The following PDE1C variants were observed in gnomAD, a reference collection of about 807,000 sequenced individuals.
PDE1C encodes the protein phosphodiesterase 1C.
In PDE1C, 62 loss-of-function variants were observed where a neutral mutation model predicts 93.1. The ratio of observed to expected loss-of-function variants is 0.67; its 90% CI spans 0.54 to 0.82. PDE1C has a LOEUF of 0.82. PDE1C is among the 40% of genes least tolerant of loss of function. The pLI, the probability that PDE1C is intolerant of heterozygous loss-of-function variation, is 0.00. For synonymous variants in PDE1C, 325 were observed against 310.1 expected, an observed-to-expected ratio of 1.05 and a Z score of -0.50; for missense variants, 742 against 884.6, an observed-to-expected ratio of 0.84 and a Z score of 2.04.
intron 1 of PDE1C, among the ~76,000 whole-genome samples, chr7:32,377,875 C>T (rs988573232): frequency 2.0e-5 from 3 of 152,162 alleles, no homozygotes; most frequent in Non-Finnish European, 2.9e-5. Flanking sequence ...CTGGAGACAG[C>T]ATCTGAGTTT....
chr7:31,801,462 A>C (rs1046611505), intron 16 of PDE1C, among the ~76,000 whole-genome samples: 4 of 151,476 alleles, frequency 2.6e-5, no homozygotes, highest in East Asian at 3.9e-4. Flanking sequence ...TATGCACTTG[A>C]AAAAGATGTG....
intron 2 of PDE1C, among the ~76,000 whole-genome samples, chr7:31,905,132 T>G (rs1331210297): frequency 6.6e-6 from 1 of 152,146 alleles, no homozygotes; most frequent in Non-Finnish European, 1.5e-5. Flanking sequence ...ACTTAAAGAT[T>G]ATCATTGTGC....
At chr7:31,714,854 C>A in the PDE1C span, among the ~76,000 whole-genome samples, 1 of 152,174 alleles carries the variant, frequency 6.6e-6, no homozygotes, top group Non-Finnish European at 1.5e-5. Context: ...CGTTGGAATT[C>A]AAGATGAGAT....
the PDE1C span, among the ~76,000 whole-genome samples, chr7:31,694,132 G>T: frequency 6.6e-6 from 1 of 152,106 alleles, no homozygotes; most frequent in Non-Finnish European, 1.5e-5. Context: ...GACATATGCA[G>T]AAATAATAAC....
intron 7 of PDE1C, among the ~76,000 whole-genome samples, chr7:31,854,217 A>G (rs942960747): frequency 6.6e-6 from 1 of 152,152 alleles, no homozygotes; most frequent in Non-Finnish European, 1.5e-5. Context: ...TAAACCCCTC[A>G]GGTGATATTA....
intron 9 of PDE1C, among the ~76,000 whole-genome samples, chr7:31,842,843 T>C (rs376577380): frequency 6.6e-6 from 1 of 152,006 alleles, no homozygotes; most frequent in East Asian, 1.9e-4. Flanking sequence ...TGTTTGGAAC[T>C]TTTTTCTTTC....
chr7:32,008,562 T>C (rs1015333355), intron 2 of PDE1C, among the ~76,000 whole-genome samples: 5 of 152,102 alleles, frequency 3.3e-5, no homozygotes, highest in African/African-American at 1.2e-4. Context: ...TGAAGACACA[T>C]GAAAATCTGG....
At chr7:31,856,403 G>A (rs1794022743) in intron 7 of PDE1C, among the ~76,000 whole-genome samples, 1 of 152,194 alleles carries the variant, frequency 6.6e-6, no homozygotes, top group Middle Eastern at 3.2e-3. Context: ...CGGCAAATGA[G>A]AAATGAGCTC....
chr7:32,018,010 G>A (rs1788142583), intron 2 of PDE1C, among the ~76,000 whole-genome samples: 1 of 151,964 alleles, frequency 6.6e-6, no homozygotes. Flanking sequence ...AGCCCGGGAA[G>A]TGGAGGTTGC....
At chr7:31,694,243 A>T in the PDE1C span, among the ~76,000 whole-genome samples, 2 of 152,174 alleles carry the variant, frequency 1.3e-5, no homozygotes, top group African/African-American at 4.8e-5. Context: ...TACATTTATG[A>T]AGATGGGAAG....
chr7:31,695,593 G>A, the PDE1C span: 94 of 1,613,504 alleles, frequency 5.8e-5, no homozygotes, highest in African/African-American at 4.3e-4. Flanking sequence ...AAGATACACC[G>A]GCGCTGCACA....
chr7:31,649,151 A>G, the PDE1C span, among the ~76,000 whole-genome samples: 1 of 152,378 alleles, frequency 6.6e-6, no homozygotes, highest in South Asian at 2.1e-4. Flanking sequence ...GCGAGAGGAT[A>G]GAATCAAAAC....
chr7:32,200,207 G>GT (rs1053673628), intron 2 of PDE1C, among the ~76,000 whole-genome samples: 1 of 152,050 alleles, frequency 6.6e-6, no homozygotes, highest in Admixed American at 6.6e-5. Context: ...CCTCTTATAG[G>GT]TTTTTTGTTT....
At chr7:31,805,126 C>A (rs921504343) in intron 16 of PDE1C, among the ~76,000 whole-genome samples, 4 of 151,714 alleles carry the variant, frequency 2.6e-5, no homozygotes, top group Non-Finnish European at 5.9e-5. Flanking sequence ...TGCCTTTGCT[C>A]CTCCTTTGCC....
At chr7:31,709,893 G>T in the PDE1C span, among the ~76,000 whole-genome samples, 1 of 152,220 alleles carries the variant, frequency 6.6e-6, no homozygotes, top group Non-Finnish European at 1.5e-5. Context: ...GCTCATGCCT[G>T]TAATTCCAAC....
rs1222127494 is a variant in PDE1C at position 31,809,064 on chromosome 7, A to G, written c.1858T>C (p.Ser620Pro). Reference sequence around the variant, plus strand: ...TTCTTTGAATCATTTCCGATGTTAGAGTGATCCTTCTTGTCTGTCTTATTT... The same window carrying G: ...TTCTTTGAATCATTTCCGATGTTAGGGTGATCCTTCTTGTCTGTCTTATTT... Reference protein sequence around the residue: ...GKNKTDKKDHSNIGNDSKKTD... With the variant: ...GKNKTDKKDHPNIGNDSKKTD... The change falls in exon 16 of 18, where the codon TCT becomes CCT. Residue 620 changes from serine (S) to proline (P), a missense_variant. Physicochemically the swap from Ser to Pro is moderately conservative, Grantham distance 74 (BLOSUM62 -1). Transcript: ENST00000396191. The G allele has an allele frequency of 9.4e-6, 15 of 1,594,416 alleles. No individual in the cohort carries two copies. The highest frequency in any genetic ancestry group is 1.3e-5 in the Non-Finnish European group (15 of 1,163,322).
intron 9 of PDE1C, among the ~76,000 whole-genome samples, chr7:31,845,797 C>T (rs543391580): frequency 6.6e-6 from 1 of 152,162 alleles, no homozygotes; most frequent in South Asian, 2.1e-4. Flanking sequence ...TCGAGACCAG[C>T]CTGACCAAAA....
At chr7:31,770,920 G>A (rs937325578) in intron 17 of PDE1C, among the ~76,000 whole-genome samples, 2 of 152,076 alleles carry the variant, frequency 1.3e-5, no homozygotes, top group Non-Finnish European at 2.9e-5. Context: ...TTTCCACTGT[G>A]TTCTACCTTG....
chr7:31,646,268 C>T, the PDE1C span, among the ~76,000 whole-genome samples: 8 of 152,182 alleles, frequency 5.3e-5, no homozygotes, highest in African/African-American at 7.2e-5. Flanking sequence ...GTCAGTAGCA[C>T]AGCCCAGTAA....
Sources: allele counts gnomAD v4.1 joint callset (sites outside exome capture counted in the v4.1 genomes callset), GRCh38; gene constraint gnomAD v4.1.1; transcripts MANE v1.5; gene names NCBI Gene and HGNC (gene_info 2026-07-23, HGNC 2026-07-21).